KCNU1: variants seen among roughly 807,000 people sequenced by gnomAD.
The protein encoded by KCNU1 is potassium channel subfamily U member 1.
Under a neutral mutation model 126.8 loss-of-function variants are expected in KCNU1, and 93 were observed. The ratio of observed to expected loss-of-function variants is 0.73; its 90% CI spans 0.62 to 0.87. The LOEUF is 0.87. KCNU1 is among the 40% of genes least tolerant of loss of function. The pLI is 0.00. For missense variants in KCNU1, 1,330 were observed against 1,367.1 expected, an observed-to-expected ratio of 0.97 and a Z score of 0.43; for synonymous variants, 523 against 494.2, an observed-to-expected ratio of 1.06 and a Z score of -0.77.
chr8:36,792,182 A>G (rs1802927403), intron 2 of KCNU1, among the ~76,000 whole-genome samples: 1 of 152,192 alleles, frequency 6.6e-6, no homozygotes, highest in Non-Finnish European at 1.5e-5. Context: ...CCCCAGAAGC[A>G]AGTACCTACT....
chr8:36,846,021 A>G (rs1197773372), intron 18 of KCNU1, 122 bp downstream of exon 18: 2 of 640,922 alleles, frequency 3.1e-6, no homozygotes, highest in African/African-American at 3.6e-5. Flanking sequence ...GAAGTGGCAG[A>G]CATTTCCTCA....
intron 24 of KCNU1, among the ~76,000 whole-genome samples, chr8:36,926,431 C>G (rs1007498471): frequency 5.9e-5 from 9 of 151,974 alleles, no homozygotes; most frequent in Non-Finnish European, 1.3e-4. Flanking sequence ...ACCCACATCT[C>G]TCCCCTCCAT....
chr8:36,899,782 A>G (rs1807344163), intron 19 of KCNU1, among the ~76,000 whole-genome samples: 2 of 152,122 alleles, frequency 1.3e-5, no homozygotes, highest in South Asian at 4.1e-4. Flanking sequence ...TCTGCACAAC[A>G]TGGAAGGCTT....
At position 36,844,380 on chromosome 8, in the gene KCNU1, C is replaced by CA. The variant is rs202234667; in HGVS notation, c.1704-1191dup. Among the ~76,000 whole-genome samples the CA allele has an allele frequency of 7.6e-3, 937 of 122,950 alleles. 8 individuals are homozygous for CA. Among genetic ancestry groups the CA allele is most frequent in the African/African-American group, 0.025 (818 of 32,376 alleles). 80.7% of individuals were successfully genotyped at this position (122,950 alleles called of 152,430 possible). A position where few individuals can be genotyped will look rare whatever the true frequency, so the allele number is the denominator to read the frequency against. ...GGGCAACAAGAGTGAAACTCCGTCTCAAAAAAAAACAAAAAAAAAAGGCTA... is the reference window on the plus strand; with the variant it reads ...GGGCAACAAGAGTGAAACTCCGTCTCAAAAAAAAAACAAAAAAAAAAGGCTA... On this transcript the variant is annotated intron_variant, in intron 16 of 26. Transcript: ENST00000399881.
At chr8:36,895,378 C>A (rs1807149110) in intron 19 of KCNU1, among the ~76,000 whole-genome samples, 1 of 152,004 alleles carries the variant, frequency 6.6e-6, no homozygotes, top group African/African-American at 2.4e-5. Flanking sequence ...TGTACCTGGC[C>A]TTTTGTGTTA....
intron 26 of KCNU1, among the ~76,000 whole-genome samples, chr8:36,933,533 A>T (rs531635286): frequency 1.1e-4 from 17 of 152,156 alleles, no homozygotes; most frequent in Non-Finnish European, 2.1e-4. Context: ...CCTGAGGAAG[A>T]TAGAAATGCA....
intron 1 of KCNU1, among the ~76,000 whole-genome samples, chr8:36,787,081 G>T (rs1802734255): frequency 6.6e-6 from 1 of 152,110 alleles, no homozygotes; most frequent in African/African-American, 2.4e-5. Context: ...GAGGAAGACT[G>T]CAGAATTCAG....
At chr8:36,900,915 A>G (rs1173751004) in intron 19 of KCNU1, among the ~76,000 whole-genome samples, 4 of 152,020 alleles carry the variant, frequency 2.6e-5, no homozygotes, top group Admixed American at 2.6e-4. Flanking sequence ...ATTTTTGTAA[A>G]ACTCAAATCT....
intron 19 of KCNU1, among the ~76,000 whole-genome samples, chr8:36,904,497 T>C (rs890094143): frequency 6.6e-6 from 1 of 152,188 alleles, no homozygotes; most frequent in Non-Finnish European, 1.5e-5. Flanking sequence ...TTGCACTTTG[T>C]TGGCTCTTTG....
intron 24 of KCNU1, among the ~76,000 whole-genome samples, chr8:36,925,769 T>A (rs941069843): frequency 2.0e-5 from 3 of 152,156 alleles, no homozygotes; most frequent in Non-Finnish European, 4.4e-5. Context: ...CACCTTCCAA[T>A]AACAACATCT....
In KCNU1 at chr8:36,872,136, A is replaced by T. The variant is rs562084122; in HGVS notation, c.2009+7615A>T. Among the ~76,000 whole-genome samples, 3 of 152,288 alleles carry T rather than the reference A, an allele frequency of 2.0e-5. No individual in the cohort carries two copies. In the East Asian group the frequency reaches 5.8e-4, roughly 29 times the overall value. Reference sequence around the variant, plus strand: ...TCTCAGGGGCTCACAGTCCCCAGGTATTTAAATGTCCTCATCAACATCTAT... The same window carrying T: ...TCTCAGGGGCTCACAGTCCCCAGGTTTTTAAATGTCCTCATCAACATCTAT... On this transcript the variant is annotated intron_variant, in intron 19 of 26. Transcript: ENST00000399881.
At chr8:36,786,282 C>G (rs2130311087) in intron 1 of KCNU1, among the ~76,000 whole-genome samples, 1 of 152,162 alleles carries the variant, frequency 6.6e-6, no homozygotes, top group South Asian at 2.1e-4. Flanking sequence ...GAAGGTAGCT[C>G]CAATTTTATG....
Position 36,817,752 on chromosome 8 carries a change from C to T in KCNU1, c.1098C>T (p.Phe366=). Residue 366 remains phenylalanine (F), a synonymous_variant, in exon 10 of 27, where the codon TTC becomes TTT. Transcript: ENST00000399881. ...KSGEINTEIV[F]LGETPPSLEL... is the part of the protein sequence containing the mutation. ...GAGAGATCAACACTGAAATTGTTTTCCTGGGAGAGTAAGTATATCTGTATG... is the reference window on the plus strand; with the variant it reads ...GAGAGATCAACACTGAAATTGTTTTTCTGGGAGAGTAAGTATATCTGTATG... The T allele has an allele frequency of 6.4e-7, 1 of 1,570,432 alleles. No homozygotes were observed. Among genetic ancestry groups the T allele is most frequent in the Non-Finnish European group, 8.8e-7 (1 of 1,140,446 alleles).
intron 7 of KCNU1, among the ~76,000 whole-genome samples, chr8:36,813,455 TA>T (rs1803795237): frequency 6.6e-6 from 1 of 151,384 alleles, no homozygotes; most frequent in Non-Finnish European, 1.5e-5. Flanking sequence ...AACAAAGAAA[TA>T]AATATTTTAT....
chr8:36,891,545 T>C (rs1242742564), intron 19 of KCNU1, among the ~76,000 whole-genome samples: 1 of 152,096 alleles, frequency 6.6e-6, no homozygotes, highest in Non-Finnish European at 1.5e-5. Context: ...TTAATTTTAC[T>C]GACACTCTGT....
At position 36,840,939 on chromosome 8, in the gene KCNU1, T is replaced by A. The variant is rs1343492524; in HGVS notation, c.1639T>A (p.Phe547Ile). The change falls in exon 16 of 27, where the codon TTT (phenylalanine) becomes ATT (isoleucine). Residue 547 changes from phenylalanine (F) to isoleucine (I), a missense_variant. By Grantham distance (21) the Phe-to-Ile change is conservative (BLOSUM62 0). Transcript: ENST00000399881. ...CCTCGTCTTCCTTCCCAGGCTCTGC[T>A]TTCTGAAGATGCACCTCCTGTTGAT... ...MSFPEVARLC[F>I]LKMHLLLIAI... 4 of 1,612,540 alleles carry A rather than the reference T, an allele frequency of 2.5e-6. 1 individual carries two copies. Among genetic ancestry groups the A allele is most frequent in the African/African-American group, 2.7e-5 (2 of 74,890 alleles).
chr8:36,864,630 A>G, intron 19 of KCNU1, 109 bp downstream of exon 19: 1 of 678,972 alleles, frequency 1.5e-6, no homozygotes, highest in Non-Finnish European at 2.6e-6. Flanking sequence ...TATACTGACC[A>G]ATGGAATTGT....
intron 16 of KCNU1, among the ~76,000 whole-genome samples, chr8:36,845,240 G>A (rs1366988723): frequency 6.6e-6 from 1 of 151,926 alleles, no homozygotes; most frequent in Non-Finnish European, 1.5e-5. Flanking sequence ...CGGCATATTT[G>A]TCATTTGATA....
chr8:36,884,587 T>G (rs1806619947), intron 19 of KCNU1, among the ~76,000 whole-genome samples: 1 of 151,878 alleles, frequency 6.6e-6, no homozygotes, highest in Non-Finnish European at 1.5e-5. Context: ...AGTACAAAAA[T>G]TAGCCAGGTA....
Sources: allele counts gnomAD v4.1 joint callset (sites outside exome capture counted in the v4.1 genomes callset), GRCh38; gene constraint gnomAD v4.1.1; transcripts MANE v1.5; gene names NCBI Gene and HGNC (gene_info 2026-07-23, HGNC 2026-07-21).